The following KCNIP4 variants were observed in gnomAD, a reference collection of about 807,000 sequenced individuals.
The protein encoded by KCNIP4 is Kv channel-interacting protein 4.
A neutral mutation model predicts 34.0 loss-of-function variants in KCNIP4; 12 were observed. The ratio of observed to expected loss-of-function variants is 0.35; its 90% CI spans 0.23 to 0.57. The LOEUF (loss-of-function observed/expected upper bound fraction) is 0.57. KCNIP4 is among the 20% of genes least tolerant of loss of function. The pLI is 0.83. For missense variants in KCNIP4, 238 were observed against 311.7 expected (o/e 0.76, Z 1.78); for synonymous variants, 124 against 102.2 (o/e 1.21, Z -1.29).
intron 1 of KCNIP4, among the ~76,000 whole-genome samples, chr4:21,018,830 G>A (rs552448137): frequency 1.3e-5 from 2 of 152,298 alleles, no homozygotes; most frequent in African/African-American, 4.8e-5. Context: ...CTACATAAAT[G>A]TTAGAGATAT....
intron 1 of KCNIP4, among the ~76,000 whole-genome samples, chr4:21,432,579 G>C (rs140191454): frequency 7.6e-4 from 115 of 152,156 alleles, no homozygotes; most frequent in African/African-American, 2.6e-3. Flanking sequence ...CAAATTAGCT[G>C]GGAAAAAGAC....
chr4:20,832,327 T>C (rs994621285), intron 3 of KCNIP4, among the ~76,000 whole-genome samples: 2 of 152,166 alleles, frequency 1.3e-5, no homozygotes, highest in African/African-American at 4.8e-5. Flanking sequence ...ATTCAGGAAC[T>C]TCACTGGGAG....
chr4:21,765,354 G>A (rs1045352086), intron 1 of KCNIP4, among the ~76,000 whole-genome samples: 4 of 152,010 alleles, frequency 2.6e-5, no homozygotes, highest in African/African-American at 9.6e-5. Context: ...TATGTTAATG[G>A]TACCCACTGC....
At chr4:21,340,764 G>C (rs1201596389) in intron 1 of KCNIP4, among the ~76,000 whole-genome samples, 1 of 152,090 alleles carries the variant, frequency 6.6e-6, no homozygotes, top group Non-Finnish European at 1.5e-5. Flanking sequence ...AGACTCAATG[G>C]CCAAGTATAT....
chr4:21,870,824 A>T (rs1247007321), intron 1 of KCNIP4, among the ~76,000 whole-genome samples: 1 of 152,210 alleles, frequency 6.6e-6, no homozygotes, highest in Non-Finnish European at 1.5e-5. Flanking sequence ...CTCATTTATG[A>T]TAGAGGGAGC....
At chr4:21,665,359 G>A (rs537995449) in intron 1 of KCNIP4, among the ~76,000 whole-genome samples, 1 of 152,200 alleles carries the variant, frequency 6.6e-6, no homozygotes, top group Admixed American at 6.5e-5. Context: ...TTAGAAGACA[G>A]AAATTTAATT....
intron 1 of KCNIP4, among the ~76,000 whole-genome samples, chr4:21,166,160 A>C (rs1753614479): frequency 6.6e-6 from 1 of 152,206 alleles, no homozygotes; most frequent in Non-Finnish European, 1.5e-5. Flanking sequence ...GAACTAAGAC[A>C]GGAAGAGGAG....
At chr4:21,744,373 C>T (rs1002632148) in intron 1 of KCNIP4, among the ~76,000 whole-genome samples, 2 of 152,174 alleles carry the variant, frequency 1.3e-5, no homozygotes, top group Non-Finnish European at 2.9e-5. Flanking sequence ...TGGAATTCCA[C>T]TGGACATACT....
At chr4:20,788,933 A>C (rs903550191) in intron 3 of KCNIP4, among the ~76,000 whole-genome samples, 1 of 152,180 alleles carries the variant, frequency 6.6e-6, no homozygotes, top group East Asian at 1.9e-4. Flanking sequence ...GCTTGAGCTC[A>C]TGAGTAAAAG....
At chr4:21,795,960 T>G (rs372248292) in intron 1 of KCNIP4, among the ~76,000 whole-genome samples, 1 of 152,000 alleles carries the variant, frequency 6.6e-6, no homozygotes, top group Admixed American at 6.6e-5. Context: ...TCCCAGCTAC[T>G]AGGAAGGCAG....
intron 1 of KCNIP4, among the ~76,000 whole-genome samples, chr4:21,371,682 G>C (rs749727194): frequency 1.4e-5 from 2 of 147,116 alleles, no homozygotes; most frequent in Non-Finnish European, 2.9e-5. Flanking sequence ...AACCTGGAGA[G>C]GATGTAAGAG....
chr4:21,215,892 C>G (rs1322470262), intron 1 of KCNIP4, among the ~76,000 whole-genome samples: 2 of 152,154 alleles, frequency 1.3e-5, no homozygotes, highest in Non-Finnish European at 2.9e-5. Context: ...CCATGGCCTA[C>G]TGCAGCCTCA....
rs529643870 is a variant in KCNIP4 at position 21,012,811 on chromosome 4, T to C, written c.62-130102A>G. 2.0e-5 allele frequency among the ~76,000 whole-genome samples: 3 copies of C among 152,344 alleles called. No homozygotes were observed. The East Asian group carries it at 5.8e-4, about 29-fold the overall frequency. On this transcript the variant is annotated intron_variant, in intron 1 of 8. Coordinates refer to ENST00000382152, the MANE Select transcript of KCNIP4 (RefSeq NM_025221.6). ...AGTCTTTGAAAACATATCTGTTCTA[T>C]GTTTCTCACAGTCTTATTGGTGATG...
chr4:20,903,609 C>T (rs1029643865), intron 1 of KCNIP4, among the ~76,000 whole-genome samples: 26 of 152,084 alleles, frequency 1.7e-4, no homozygotes, highest in Non-Finnish European at 3.4e-4. Flanking sequence ...TTTGAGTTGT[C>T]TTGCCTTTCT....
At chr4:20,881,302 C>A (rs1014641227) in intron 2 of KCNIP4, among the ~76,000 whole-genome samples, 4 of 151,978 alleles carry the variant, frequency 2.6e-5, no homozygotes, top group African/African-American at 9.7e-5. Flanking sequence ...GTTGTGGAGA[C>A]CCATGACATT....
chr4:20,905,509 C>CTTTTTTTTTTTTTTTTTTTTTTTT lies in KCNIP4; in HGVS notation c.62-22801_62-22800insAAAAAAAAAAAAAAAAAAAAAAAA, dbSNP rs10686415. ...ACACAGGTAGTTGAACGTTTTCTTTCTTTTTTTTTTTTTTTTGTTTGAGAT... is the reference window on the plus strand; with the variant it reads ...ACACAGGTAGTTGAACGTTTTCTTTCTTTTTTTTTTTTTTTTTTTTTTTTTTTTTTTTTTTTTTTTGTTTGAGAT... On this transcript the variant is annotated intron_variant, in intron 1 of 8. Coordinates refer to ENST00000382152, the MANE Select transcript of KCNIP4 (RefSeq NM_025221.6). 9.2e-4 allele frequency among the ~76,000 whole-genome samples: 67 copies of CTTTTTTTTTTTTTTTTTTTTTTTT among 72,786 alleles called. 3 individuals carry two copies. Among genetic ancestry groups the CTTTTTTTTTTTTTTTTTTTTTTTT allele is most frequent in the South Asian group, 1.3e-3 (3 of 2,294 alleles). 47.8% of individuals were successfully genotyped at this position (72,786 alleles called of 152,430 possible). A position where few individuals can be genotyped will look rare whatever the true frequency, so the allele number is the denominator to read the frequency against.
chr4:20,950,365 A>G (rs1732654059), intron 1 of KCNIP4, among the ~76,000 whole-genome samples: 1 of 152,132 alleles, frequency 6.6e-6, no homozygotes, highest in South Asian at 2.1e-4. Flanking sequence ...TAGAAAGTGA[A>G]AAACTTGCCG....
chr4:21,729,281 A>G (rs771407845), intron 1 of KCNIP4, among the ~76,000 whole-genome samples: 4 of 152,146 alleles, frequency 2.6e-5, no homozygotes, highest in Non-Finnish European at 5.9e-5. Context: ...GAATCTTCTT[A>G]TTTCATTATT....
intron 1 of KCNIP4, among the ~76,000 whole-genome samples, chr4:21,140,614 C>T (rs950516855): frequency 1.3e-5 from 2 of 152,112 alleles, no homozygotes; most frequent in African/African-American, 4.8e-5. Context: ...TACATAAACC[C>T]TCAATATTCT....
Sources: gnomAD v4.1 joint callset for allele counts (sites outside exome capture counted in the v4.1 genomes callset) on GRCh38, gnomAD v4.1.1 for gene constraint, MANE v1.5 for transcripts, NCBI Gene and HGNC (gene_info 2026-07-23, HGNC 2026-07-21) for gene names.